Variants in LEP observed in about 807,000 individuals in gnomAD.
LEP encodes leptin (murine obesity homolog).
In LEP, 6 loss-of-function variants were observed where a neutral mutation model predicts 9.8. That is an observed-to-expected ratio of 0.61 (90% CI 0.34 to 1.21). LEP has a LOEUF of 1.21. Among genes scored for constraint, LEP ranks in the 50% most tolerant of loss-of-function variants. LEP has a pLI of 0.04. For synonymous variants in LEP, 112 were observed against 81.7 expected (o/e 1.37, Z -2.00); for missense variants, 134 against 198.1 (o/e 0.68, Z 1.94).
At chr7:128,250,821 TTTA>T (rs1421642562) in intron 1 of LEP, among the ~76,000 whole-genome samples, 1 of 152,190 alleles carries the variant, frequency 6.6e-6, no homozygotes, top group Non-Finnish European at 1.5e-5. Flanking sequence ...TTACTTACAT[TTTA>T]TTATTATTTC....
At chr7:128,246,404 T>C (rs1383426693) in intron 1 of LEP, among the ~76,000 whole-genome samples, 1 of 152,148 alleles carries the variant, frequency 6.6e-6, no homozygotes, top group Non-Finnish European at 1.5e-5. Context: ...GATGGCACAT[T>C]ATATAAGCCT....
In LEP at chr7:128,254,637, G is replaced by A. The variant is rs1430332852; in HGVS notation, c.378G>A (p.Glu126=). The A allele has an allele frequency of 6.2e-7, 1 of 1,614,148 alleles. No homozygotes were observed. Among genetic ancestry groups the A allele is most frequent in the Admixed American group, 1.7e-5 (1 of 60,030 alleles). ...SCHLPWASGL[E]TLDSLGGVLE... ...ACTTGCCCTGGGCCAGTGGCCTGGA[G>A]ACCTTGGACAGCCTGGGGGGTGTCC... The change falls in exon 3 of 3, where the codon GAG becomes GAA. Residue 126 remains glutamate (E), a synonymous_variant. Coordinates refer to ENST00000308868, the MANE Select transcript of LEP (RefSeq NM_000230.3).
chr7:128,246,275 C>A (rs1183822904), intron 1 of LEP, among the ~76,000 whole-genome samples: 1 of 151,652 alleles, frequency 6.6e-6, no homozygotes, highest in South Asian at 2.1e-4. Context: ...GGGTGGGGTG[C>A]GGGCCCTGCA....
chr7:128,251,037 A>G (rs1795269086), intron 1 of LEP, among the ~76,000 whole-genome samples: 1 of 152,154 alleles, frequency 6.6e-6, no homozygotes, highest in African/African-American at 2.4e-5. Context: ...CTCTCCCGCC[A>G]CCATGTCTTT....
chr7:128,254,982 A>C lies in LEP; in HGVS notation c.*219A>C. On this transcript the variant is annotated 3_prime_UTR_variant, in exon 3 of 3. Transcript: ENST00000308868. Reference sequence around the variant, plus strand: ...ACACAGGATCCTATTCTCACCAGGAAGGGGGTCCACCCAGCAAAGAGTGGG... The same window carrying C: ...ACACAGGATCCTATTCTCACCAGGACGGGGGTCCACCCAGCAAAGAGTGGG... The C allele has an allele frequency of 1.7e-6, 1 of 572,106 alleles. No homozygotes were observed. Among genetic ancestry groups the C allele is most frequent in the Non-Finnish European group, 3.1e-6 (1 of 318,872 alleles). 35.4% of individuals were successfully genotyped at this position (572,106 alleles called of 1,614,324 possible).
At position 128,254,913 on chromosome 7, in the gene LEP, G is replaced by A. The variant is rs28954115; in HGVS notation, c.*150G>A. The A allele has an allele frequency of 6.8e-3, 5,743 of 839,426 alleles. 39 individuals are homozygous for A. The highest frequency in any genetic ancestry group is 0.015 in the Middle Eastern group (44 of 2,990). The allele number at this position is 839,426 out of a possible 1,614,324, so 52.0% of individuals were successfully genotyped here. A position where few individuals can be genotyped will look rare whatever the true frequency, so the allele number is the denominator to read the frequency against. On this transcript the variant is annotated 3_prime_UTR_variant, in exon 3 of 3. Coordinates refer to ENST00000308868, the MANE Select transcript of LEP (RefSeq NM_000230.3). Reference sequence around the variant, plus strand: ...ACTCCTCTAAGCCACTCTTCCAAAGGCATAAGACCCTAAGCCTCCTTTTGC... The same window carrying A: ...ACTCCTCTAAGCCACTCTTCCAAAGACATAAGACCCTAAGCCTCCTTTTGC...
chr7:128,252,527 C>G (rs1032533472), intron 2 of LEP, among the ~76,000 whole-genome samples: 1 of 152,088 alleles, frequency 6.6e-6, no homozygotes, highest in Non-Finnish European at 1.5e-5. Flanking sequence ...CCCAAGAGTT[C>G]GAGACCAGCC....
Position 128,252,060 on chromosome 7 carries a change from C to T in LEP, c.42C>T (p.Pro14=). The part of the protein sequence containing the change: ...GTLCGFLWLW[P]YLFYVQAVPI... ...TGTGCGGATTCTTGTGGCTTTGGCC[C>T]TATCTTTTCTATGTCCAAGCTGTGC... is the stretch of plus-strand genomic sequence containing the variant. The change falls in exon 2 of 3, where the codon CCC becomes CCT. Residue 14 remains proline, a synonymous_variant. Transcript: ENST00000308868. 1 of 1,614,190 alleles carries T rather than the reference C, an allele frequency of 6.2e-7. No individual in the cohort carries two copies. Among genetic ancestry groups the T allele is most frequent in the Non-Finnish European group, 8.5e-7 (1 of 1,180,012 alleles).
chr7:128,242,714 A>C (rs1795165692), intron 1 of LEP, among the ~76,000 whole-genome samples: 1 of 152,224 alleles, frequency 6.6e-6, no homozygotes, highest in South Asian at 2.1e-4. Flanking sequence ...CTCCCCGTCC[A>C]TTCCAGGAAA....
chr7:128,243,357 C>G (rs1405063465), intron 1 of LEP, among the ~76,000 whole-genome samples: 2 of 152,150 alleles, frequency 1.3e-5, no homozygotes, highest in Non-Finnish European at 2.9e-5. Flanking sequence ...CTCTGGGGTG[C>G]TCCAGGCTGG....
chr7:128,246,619 A>ATTTTTAT (rs1469401227), intron 1 of LEP, among the ~76,000 whole-genome samples: 1 of 138,250 alleles, frequency 7.2e-6, no homozygotes, highest in African/African-American at 2.5e-5. Flanking sequence ...ACACTCAGCT[A>ATTTTTAT]TTTTTATTTT....
At chr7:128,251,960 C>T in intron 1 of LEP, 31 bp from the exon 2 acceptor site, 1 of 1,570,326 alleles carries the variant, frequency 6.4e-7, no homozygotes, top group Non-Finnish European at 8.8e-7. Flanking sequence ...GATACCGGCT[C>T]CTTGCAGTGT....
At chr7:128,242,810 T>C (rs576386071) in intron 1 of LEP, among the ~76,000 whole-genome samples, 20 of 152,252 alleles carry the variant, frequency 1.3e-4, no homozygotes, top group South Asian at 1.0e-3. Flanking sequence ...CACGTCTGAG[T>C]GGCCCATGCA....
chr7:128,255,603 TG>T lies in LEP; in HGVS notation c.*844del, dbSNP rs780548989. On this transcript the variant is annotated 3_prime_UTR_variant, in exon 3 of 3. Coordinates refer to ENST00000308868, the MANE Select transcript of LEP (RefSeq NM_000230.3). The stretch of plus-strand genomic sequence containing the variant: ...ATATGTAGGTGTCTGCACCCAGGGG[TG>T]GGGAATGTTTGGGCAGAAGGGAGAA... 1.3e-5 allele frequency: 2 copies of T among 152,042 alleles called. No homozygotes were observed. Among genetic ancestry groups the T allele is most frequent in the African/African-American group, 2.4e-5 (1 of 41,376 alleles). 9.4% of individuals were successfully genotyped at this position (152,042 alleles called of 1,614,324 possible).
intron 2 of LEP, among the ~76,000 whole-genome samples, chr7:128,252,722 C>A (rs897679182): frequency 6.7e-6 from 1 of 149,614 alleles, no homozygotes; most frequent in Admixed American, 6.6e-5. Flanking sequence ...CAGAGTGAGA[C>A]CTTGTCTCAA....
At position 128,253,957 on chromosome 7, in the gene LEP, G is replaced by A. The variant is rs555809676; in HGVS notation, c.145-447G>A. 9.9e-5 allele frequency among the ~76,000 whole-genome samples: 15 copies of A among 152,156 alleles called. 1 individual carries two copies. The highest frequency in any genetic ancestry group is 2.9e-4 in the African/African-American group (12 of 41,518). The stretch of plus-strand genomic sequence containing the variant: ...GGTTGGGGGGCCTCACTGAGGGTAC[G>A]GCCTTGATCTCTAAGGAGGAGGGAC... On this transcript the variant is annotated intron_variant, in intron 2 of 2. Transcript: ENST00000308868.
At chr7:128,246,538 C>T (rs956945794) in intron 1 of LEP, among the ~76,000 whole-genome samples, 4 of 152,106 alleles carry the variant, frequency 2.6e-5, no homozygotes, top group Non-Finnish European at 4.4e-5. Context: ...ACTGCAGCCT[C>T]GACATCCTGG....
intron 1 of LEP, among the ~76,000 whole-genome samples, chr7:128,247,793 C>T (rs1416719600): frequency 6.6e-6 from 1 of 152,170 alleles, no homozygotes; most frequent in Non-Finnish European, 1.5e-5. Context: ...CACATAACAT[C>T]GACAGGTGGC....
rs144755411 is a variant in LEP at position 128,254,014 on chromosome 7, C to T, written c.145-390C>T. On this transcript the variant is annotated intron_variant, in intron 2 of 2. Transcript: ENST00000308868. ...GAAAAGCTGACTGGGAGGGAGGACT[C>T]GGCTGGGGGTAGAAGGGACTAGGGA... is the stretch of plus-strand genomic sequence containing the variant. Among the ~76,000 whole-genome samples the T allele has an allele frequency of 1.7e-3, 240 of 142,146 alleles. 4 individuals carry two copies. The highest frequency in any genetic ancestry group is 0.013 in the Admixed American group (174 of 13,664). 93.3% of individuals were successfully genotyped at this position (142,146 alleles called of 152,430 possible).
Sources: allele counts gnomAD v4.1 joint callset (sites outside exome capture counted in the v4.1 genomes callset), GRCh38; gene constraint gnomAD v4.1.1; transcripts MANE v1.5; gene names NCBI Gene and HGNC (gene_info 2026-07-23, HGNC 2026-07-21).